Variants in CNTN5 observed in about 807,000 individuals in gnomAD.
CNTN5 encodes the protein contactin 5, also known as contactin-5.
Under a neutral mutation model 129.1 loss-of-function variants are expected in CNTN5, and 77 were observed. That is an observed-to-expected ratio of 0.60 (90% confidence interval 0.50 to 0.72). The LOEUF is 0.72. CNTN5 is among the 30% of genes least tolerant of loss of function. The pLI is 0.00. For synonymous variants in CNTN5, 509 were observed against 465.6 expected (o/e 1.09, Z -1.20); for missense variants, 1,478 against 1,328.8 (o/e 1.11, Z -1.75).
At chr11:100,068,416 G>A (rs960729999) in intron 10 of CNTN5, among the ~76,000 whole-genome samples, 22 of 152,106 alleles carry the variant, frequency 1.4e-4, no homozygotes, top group African/African-American at 4.8e-4. Context: ...AGAATTAAAA[G>A]AGACAGAATA....
intron 8 of CNTN5, among the ~76,000 whole-genome samples, chr11:99,964,690 G>GAT (rs1001099749): frequency 6.6e-6 from 1 of 152,132 alleles, no homozygotes; most frequent in Admixed American, 6.5e-5. Flanking sequence ...AGTTAGGGAG[G>GAT]ATTCCCTCTT....
At chr11:99,229,541 A>AAAAAAAC (rs113130533) in intron 1 of CNTN5, among the ~76,000 whole-genome samples, 33 of 143,654 alleles carry the variant, frequency 2.3e-4, no homozygotes, top group South Asian at 2.2e-3. Flanking sequence ...AAAAAAAAAA[A>AAAAAAAC]AGGACACAGC....
intron 3 of CNTN5, among the ~76,000 whole-genome samples, chr11:99,636,009 A>T (rs1449070993): frequency 2.0e-5 from 3 of 152,188 alleles, no homozygotes; most frequent in African/African-American, 7.2e-5. Flanking sequence ...AAATTTAATT[A>T]AAATTTATTT....
chr11:100,265,741 T>C (rs934632015), intron 17 of CNTN5, among the ~76,000 whole-genome samples: 1 of 152,116 alleles, frequency 6.6e-6, no homozygotes, highest in Non-Finnish European at 1.5e-5. Flanking sequence ...GAATACCGCC[T>C]CCTGCAAATG....
chr11:99,619,930 G>A (rs896317978), intron 3 of CNTN5, among the ~76,000 whole-genome samples: 2 of 151,082 alleles, frequency 1.3e-5, no homozygotes, highest in Non-Finnish European at 2.9e-5. Context: ...GAAGGCTGAG[G>A]CAGGAGAATG....
chr11:99,051,636 A>C (rs1864431631), intron 1 of CNTN5, among the ~76,000 whole-genome samples: 1 of 151,952 alleles, frequency 6.6e-6, no homozygotes, highest in South Asian at 2.1e-4. Context: ...AAACCATTAC[A>C]TAAGAAGTAA....
chr11:100,053,215 C>G (rs929040649), intron 9 of CNTN5, among the ~76,000 whole-genome samples: 1 of 151,182 alleles, frequency 6.6e-6, no homozygotes, highest in Non-Finnish European at 1.5e-5. Flanking sequence ...AGACAGAAAA[C>G]GAAAAACCAC....
At chr11:99,068,322 T>C (rs1591136513) in intron 1 of CNTN5, among the ~76,000 whole-genome samples, 3 of 152,258 alleles carry the variant, frequency 2.0e-5, no homozygotes, top group Admixed American at 2.0e-4. Context: ...TGGAGTGTCA[T>C]GGGATATAGG....
intron 14 of CNTN5, 35 bp downstream of exon 14, chr11:100,191,288 G>C (rs1948481529): frequency 6.4e-7 from 1 of 1,567,586 alleles, no homozygotes. Flanking sequence ...TACAAGCATA[G>C]TCTCATGGTC....
intron 9 of CNTN5, among the ~76,000 whole-genome samples, chr11:100,014,496 G>T (rs548757563): frequency 6.6e-6 from 1 of 152,052 alleles, no homozygotes; most frequent in Non-Finnish European, 1.5e-5. Context: ...CAAGAGAATC[G>T]CTTGAACCTG....
chr11:99,834,497 C>T (rs901525958), intron 4 of CNTN5, among the ~76,000 whole-genome samples: 2 of 152,086 alleles, frequency 1.3e-5, no homozygotes, highest in East Asian at 1.9e-4. Flanking sequence ...GCCTGGATGA[C>T]GGAGCAAGAC....
chr11:99,407,361 G>T (rs866698520), intron 2 of CNTN5, among the ~76,000 whole-genome samples: 3 of 152,090 alleles, frequency 2.0e-5, no homozygotes, highest in African/African-American at 2.4e-5. Context: ...GCGATCTAGG[G>T]CCTGGAAAAG....
chr11:99,234,038 T>A (rs961097474), intron 1 of CNTN5, among the ~76,000 whole-genome samples: 2 of 152,162 alleles, frequency 1.3e-5, no homozygotes, highest in African/African-American at 4.8e-5. Flanking sequence ...TCCCAACACA[T>A]AGAAATGGAA....
At chr11:99,022,807 A>T (rs1295400991) in intron 1 of CNTN5, among the ~76,000 whole-genome samples, 1 of 152,168 alleles carries the variant, frequency 6.6e-6, no homozygotes. Context: ...AAAGTCAGTG[A>T]AATGATTATT....
At chr11:100,268,275 C>T (rs1237638895) in intron 17 of CNTN5, among the ~76,000 whole-genome samples, 4 of 151,912 alleles carry the variant, frequency 2.6e-5, no homozygotes, top group African/African-American at 4.8e-5. Context: ...AGAGGTTTAG[C>T]GTAAAGTTAT....
In CNTN5 at chr11:99,793,973, G is replaced by A. The variant is rs1190061693; in HGVS notation, c.56-25571G>A. Among the ~76,000 whole-genome samples, 7 of 152,072 alleles carry A rather than the reference G, an allele frequency of 4.6e-5. No homozygotes were observed. The East Asian group carries it at 1.2e-3, about 25-fold the overall frequency. Reference sequence around the variant, plus strand: ...GTTCAGCTCCTGAATATCTTTGTTAGTTTTCTGCCTCGATGATCTGTCTAA... The same window carrying A: ...GTTCAGCTCCTGAATATCTTTGTTAATTTTCTGCCTCGATGATCTGTCTAA... On this transcript the variant is annotated intron_variant, in intron 3 of 24. Coordinates refer to ENST00000524871, the MANE Select transcript of CNTN5 (RefSeq NM_014361.4).
chr11:99,085,012 AGATTT>A (rs1248559868), intron 1 of CNTN5, among the ~76,000 whole-genome samples: 1 of 152,078 alleles, frequency 6.6e-6, no homozygotes, highest in Non-Finnish European at 1.5e-5. Flanking sequence ...TGAGGAAAGA[AGATTT>A]GTTAAGAAAG....
At chr11:100,064,702 G>A (rs191039967) in intron 10 of CNTN5, among the ~76,000 whole-genome samples, 2 of 152,058 alleles carry the variant, frequency 1.3e-5, no homozygotes, top group African/African-American at 2.4e-5. Context: ...AAAAAGACCT[G>A]GTTTTAACTC....
At chr11:99,688,853 C>A (rs539152253) in intron 3 of CNTN5, among the ~76,000 whole-genome samples, 2 of 152,080 alleles carry the variant, frequency 1.3e-5, no homozygotes, top group African/African-American at 2.4e-5. Context: ...TGAGAACATG[C>A]AGTATTTGGT....
Sources: allele counts gnomAD v4.1 joint callset (sites outside exome capture counted in the v4.1 genomes callset), GRCh38; gene constraint gnomAD v4.1.1; transcripts MANE v1.5; gene names NCBI Gene and HGNC (gene_info 2026-07-23, HGNC 2026-07-21).